SPPL2B: variants seen among roughly 807,000 people sequenced by gnomAD.
SPPL2B encodes signal peptide peptidase like 2B, also known as signal peptide peptidase-like 2B.
Under a neutral mutation model 59.7 loss-of-function variants are expected in SPPL2B, and 39 were observed. The observed-to-expected ratio is 0.65, with a 90% CI of 0.51 to 0.85. The LOEUF is 0.85. Among genes scored for constraint, SPPL2B ranks in the 40% least tolerant of loss-of-function variants. SPPL2B has a pLI of 0.00. For synonymous variants in SPPL2B, 419 were observed against 370.8 expected (o/e 1.13, Z -1.49); for missense variants, 865 against 849.0 (o/e 1.02, Z -0.23).
chr19:2,338,928 T>C, intron 4 of SPPL2B, 87 bp downstream of exon 4: 1 of 1,511,372 alleles, frequency 6.6e-7, no homozygotes, highest in East Asian at 2.4e-5. Flanking sequence ...TGTGCCTCAG[T>C]TGGTGGGATC....
chr19:2,329,847 G>A (rs1031618443), intron 1 of SPPL2B, among the ~76,000 whole-genome samples: 3 of 152,174 alleles, frequency 2.0e-5, no homozygotes, highest in Admixed American at 1.3e-4. Flanking sequence ...CATTGCAGTC[G>A]CTTCACTCTC....
Position 2,353,090 on chromosome 19 carries a change from C to T in SPPL2B, c.1660C>T (p.Arg554Cys), listed in dbSNP as rs376570710. 5.0e-5 allele frequency: 80 copies of T among 1,611,370 alleles called. No individual in the cohort carries two copies. The highest frequency in any genetic ancestry group is 1.1e-4 in the African/African-American group (8 of 74,874). Residue 554 changes from arginine to cysteine, a missense_variant, in exon 15 of 15, where the codon CGC (arginine) becomes TGC (cysteine). Physicochemically the swap from Arg to Cys is radical, Grantham distance 180. Transcript: ENST00000613503. ...PWPAEQSPKS[R>C]TSEEMGAGAP... ...GCCTGCTGAGCAGTCCCCAAAATCA[C>T]GCACGTCCGAGGAGATGGGGGCTGG...
Position 2,337,499 on chromosome 19 carries a change from C to T in SPPL2B, c.243C>T (p.Leu81=). 6.2e-7 allele frequency: 1 copy of T among 1,613,310 alleles called. No homozygotes were observed. The change falls in exon 3 of 15, where the codon CTC becomes CTT. Residue 81 remains leucine (L), a synonymous_variant. Coordinates refer to ENST00000613503, the MANE Select transcript of SPPL2B (RefSeq NM_152988.3). ...CCCTGCTCTGCTCCGCAGCCGACCT[C>T]CCCGCCCGTGGCTTCAGCAACCAGA... is the stretch of plus-strand genomic sequence containing the variant. ...TASLLCSAAD[L]PARGFSNQIP...
chr19:2,341,407 G>A (rs73916993), intron 8 of SPPL2B: 16,054 of 466,476 alleles, frequency 0.034, 1,101 homozygotes, highest in African/African-American at 0.2. Flanking sequence ...AGGGCACCCG[G>A]TCCTCTTGGT....
intron 2 of SPPL2B, among the ~76,000 whole-genome samples, chr19:2,334,945 G>A (rs761986261): frequency 4.6e-5 from 7 of 152,054 alleles, no homozygotes; most frequent in Non-Finnish European, 8.8e-5. Context: ...CAGAGGCACC[G>A]GCCGAGCTCC....
In SPPL2B at chr19:2,337,630, G is replaced by A. The variant is rs1234302987; in HGVS notation, c.369+5G>A. 6.4e-7 allele frequency: 1 copy of A among 1,551,208 alleles called. No individual in the cohort carries two copies. The highest frequency in any genetic ancestry group is 8.7e-7 in the Non-Finnish European group (1 of 1,147,034). ...ATCGTCAGCAGGGAGAGGCTGGTAC[G>A]GCCCTGTGCGTCCCCCGCTGGGCCA... On this transcript the variant is annotated splice_donor_5th_base_variant and intron_variant, in intron 3 of 14. Coordinates refer to ENST00000613503, the MANE Select transcript of SPPL2B (RefSeq NM_152988.3).
At position 2,328,727 on chromosome 19, in the gene SPPL2B, G is replaced by T; in HGVS notation, c.18G>T (p.Ala6=). 6.9e-7 allele frequency: 1 copy of T among 1,457,060 alleles called. No homozygotes were observed. The highest frequency in any genetic ancestry group is 9.0e-7 in the Non-Finnish European group (1 of 1,112,918). The allele number at this position is 1,457,060 out of a possible 1,614,324, so 90.3% of individuals were successfully genotyped here. Residue 6 remains alanine, a synonymous_variant, in exon 1 of 15, where the codon GCG becomes GCT. Coordinates refer to ENST00000613503, the MANE Select transcript of SPPL2B (RefSeq NM_152988.3). MAAAV[A]AALARLLAAF... is the part of the protein sequence containing the mutation. ...CGGCCGACATGGCGGCAGCGGTGGC[G>T]GCTGCGCTGGCGCGGCTTTTGGCGG...
intron 12 of SPPL2B, 95 bp downstream of exon 12, chr19:2,344,747 CG>C: frequency 1.3e-6 from 1 of 794,786 alleles, no homozygotes; most frequent in South Asian, 1.5e-5. Context: ...CGCACACCGT[CG>C]GCTGGAGATA....
intron 11 of SPPL2B, 60 bp from the exon 12 acceptor site, chr19:2,344,493 G>A (rs899444705): frequency 8.3e-6 from 13 of 1,569,806 alleles, no homozygotes; most frequent in Admixed American, 3.6e-5. Context: ...GATAGGGCTC[G>A]AGGCATCCCG....
chr19:2,344,319 C>T lies in SPPL2B; in HGVS notation c.1114-43C>T, dbSNP rs529501229. The stretch of plus-strand genomic sequence containing the variant: ...CCATCACCCCACTCCCCTGCCCCCC[C>T]ACCCCATCACCACGCTCCCTCACTC... On this transcript the variant is annotated intron_variant, in intron 10 of 14. Coordinates refer to ENST00000613503, the MANE Select transcript of SPPL2B (RefSeq NM_152988.3). 7.6e-5 allele frequency: 87 copies of T among 1,140,902 alleles called. 3 individuals carry two copies. In the South Asian group the frequency reaches 1.1e-3, roughly 15 times the overall value. The allele number at this position is 1,140,902 out of a possible 1,614,324, so 70.7% of individuals were successfully genotyped here. A position where few individuals can be genotyped will look rare whatever the true frequency, so the allele number is the denominator to read the frequency against.
chr19:2,341,515 G>C (rs368597446), intron 8 of SPPL2B: 35 of 445,690 alleles, frequency 7.9e-5, no homozygotes, highest in Middle Eastern at 6.6e-4. Flanking sequence ...GCTGCCTCCC[G>C]CTGGCCGGGC....
intron 1 of SPPL2B, among the ~76,000 whole-genome samples, chr19:2,331,129 C>T (rs1968266950): frequency 6.6e-6 from 1 of 152,190 alleles, no homozygotes; most frequent in Admixed American, 6.5e-5. Context: ...CCCCACGGAG[C>T]CCGCTCCTCA....
intron 2 of SPPL2B, among the ~76,000 whole-genome samples, chr19:2,336,130 TTG>T (rs1218594168): frequency 1.3e-5 from 2 of 152,174 alleles, no homozygotes; most frequent in Non-Finnish European, 2.9e-5. Flanking sequence ...TAGTGCGTGT[TTG>T]TGTGTCAGCA....
At chr19:2,340,243 A>G in intron 7 of SPPL2B, 71 bp downstream of exon 7, 2 of 1,176,130 alleles carry the variant, frequency 1.7e-6, no homozygotes, top group Non-Finnish European at 2.3e-6. Context: ...TTGCCGCCCC[A>G]TAGCCCCCCA....
rs190768902 is a variant in SPPL2B, at chr19:2,348,188, G to T, written c.1354+2858G>T. ...TCCACACACACTCGCGCTCTCATTCGCTTGATTCCGTTCTCTCTCCACACA... is the reference window on the plus strand; with the variant it reads ...TCCACACACACTCGCGCTCTCATTCTCTTGATTCCGTTCTCTCTCCACACA... On this transcript the variant is annotated intron_variant, in intron 13 of 14. Transcript: ENST00000613503. 3.0e-4 allele frequency among the ~76,000 whole-genome samples: 29 copies of T among 97,880 alleles called. 3 individuals carry two copies. Among genetic ancestry groups the T allele is most frequent in the South Asian group, 7.9e-4 (2 of 2,518 alleles). 64.2% of individuals were successfully genotyped at this position (97,880 alleles called of 152,430 possible). A position where few individuals can be genotyped will look rare whatever the true frequency, so the allele number is the denominator to read the frequency against.
intron 5 of SPPL2B, 38 bp from the exon 6 acceptor site, chr19:2,339,786 C>CGCT (rs1568437059): frequency 6.3e-7 from 1 of 1,590,936 alleles, no homozygotes; most frequent in South Asian, 1.1e-5. Flanking sequence ...GTCGGCCAGC[C>CGCT]GGCCCCAGGG....
At chr19:2,340,435 G>A (rs912233236) in intron 7 of SPPL2B, 23 of 634,990 alleles carry the variant, frequency 3.6e-5, no homozygotes, top group South Asian at 2.9e-4. Flanking sequence ...GTCGCAGGCC[G>A]AACCCTGGGT....
At chr19:2,346,969 T>A (rs1969406509) in intron 13 of SPPL2B, among the ~76,000 whole-genome samples, 1 of 152,078 alleles carries the variant, frequency 6.6e-6, no homozygotes, top group South Asian at 2.1e-4. Context: ...GCTCTTTTTT[T>A]AAGAGTGTTC....
Position 2,344,439 on chromosome 19 carries a change from T to A in SPPL2B, c.1176+15T>A. 1 of 1,570,148 alleles carries A rather than the reference T, an allele frequency of 6.4e-7. No homozygotes were observed. The highest frequency in any genetic ancestry group is 8.6e-7 in the Non-Finnish European group (1 of 1,157,426). The stretch of plus-strand genomic sequence containing the variant: ...CCCGTGAGAAGGTGTGTCTTCTGAC[T>A]GCAGGGTCTCAGGTTGCCATGGGTC... On this transcript the variant is annotated intron_variant, in intron 11 of 14. Coordinates refer to ENST00000613503, the MANE Select transcript of SPPL2B (RefSeq NM_152988.3).
Sources: allele counts gnomAD v4.1 joint callset (sites outside exome capture counted in the v4.1 genomes callset), GRCh38; gene constraint gnomAD v4.1.1; transcripts MANE v1.5; gene names NCBI Gene and HGNC (gene_info 2026-07-23, HGNC 2026-07-21).